LHFPL3: variants seen among roughly 807,000 people sequenced by gnomAD.
LHFPL3 encodes the protein LHFPL tetraspan subfamily member 3 protein.
LHFPL3 carries 5 observed loss-of-function variants against 19.3 expected under a neutral mutation model. That is an observed-to-expected ratio of 0.26 (90% CI 0.14 to 0.54). LHFPL3 has a LOEUF of 0.54. LHFPL3 is among the 20% of genes least tolerant of loss of function. LHFPL3 has a pLI of 0.94. For missense variants in LHFPL3, 249 were observed against 307.4 expected, an observed-to-expected ratio of 0.81 and a Z score of 1.42; for synonymous variants, 133 against 126.2, an observed-to-expected ratio of 1.05 and a Z score of -0.36.
rs78461451 is a variant in LHFPL3, at chr7:104,762,964, G to A, written c.682+26053G>A. ...GAACCAAGGAAGGATGTGACCCTTC[G>A]TGGTGGCAAAAGTCTGAATTAAAGA... On this transcript the variant is annotated intron_variant, in intron 2 of 2. Coordinates refer to ENST00000424859, the MANE Select transcript of LHFPL3 (RefSeq NM_199000.3). Among the ~76,000 whole-genome samples, 380 of 152,268 alleles carry A rather than the reference G, an allele frequency of 2.5e-3. 14 individuals are homozygous for A. In the East Asian group the frequency reaches 0.065, roughly 26 times the overall value.
At chr7:104,776,412 C>T (rs1435449175) in intron 2 of LHFPL3, among the ~76,000 whole-genome samples, 2 of 152,174 alleles carry the variant, frequency 1.3e-5, no homozygotes, top group African/African-American at 4.8e-5. Context: ...CTATCTGAAA[C>T]ACCCCAAAAT....
chr7:104,694,172 C>T (rs978380872), intron 1 of LHFPL3, among the ~76,000 whole-genome samples: 5 of 152,158 alleles, frequency 3.3e-5, no homozygotes, highest in African/African-American at 1.2e-4. Flanking sequence ...TAGAATTTAC[C>T]TGGGTTATCT....
intron 1 of LHFPL3, among the ~76,000 whole-genome samples, chr7:104,429,286 C>G (rs2116551731): frequency 6.8e-6 from 1 of 146,844 alleles, no homozygotes; most frequent in Non-Finnish European, 1.5e-5. Flanking sequence ...ATTTCGGAAT[C>G]TACCTATGTC....
intron 1 of LHFPL3, among the ~76,000 whole-genome samples, chr7:104,359,339 A>T (rs2116405666): frequency 6.6e-6 from 1 of 152,354 alleles, no homozygotes; most frequent in South Asian, 2.1e-4. Flanking sequence ...GGCTTCACTT[A>T]TGTCACTTTA....
At chr7:104,552,930 A>T (rs1358955386) in intron 1 of LHFPL3, among the ~76,000 whole-genome samples, 1 of 152,152 alleles carries the variant, frequency 6.6e-6, no homozygotes, top group Non-Finnish European at 1.5e-5. Flanking sequence ...CATGTTACTT[A>T]ATTTCTTCAT....
chr7:104,459,981 T>C (rs61595262), intron 1 of LHFPL3, among the ~76,000 whole-genome samples: 3,922 of 152,220 alleles, frequency 0.026, 154 homozygotes, highest in African/African-American at 0.089. Context: ...TACCCAATGG[T>C]TATTTTTTCT....
intron 1 of LHFPL3, among the ~76,000 whole-genome samples, chr7:104,489,078 C>CT (rs10706776): frequency 0.011 from 467 of 41,648 alleles, 65 homozygotes; most frequent in African/African-American, 0.022. Flanking sequence ...GTGCTGAAAT[C>CT]TTTTTTTTTT....
chr7:104,818,806 C>T (rs971019483), intron 2 of LHFPL3, among the ~76,000 whole-genome samples: 2 of 151,934 alleles, frequency 1.3e-5, no homozygotes, highest in African/African-American at 4.8e-5. Context: ...CTCTCTCACT[C>T]ACTCAAATGC....
chr7:104,508,068 A>T (rs1449066656), intron 1 of LHFPL3, among the ~76,000 whole-genome samples: 3 of 149,854 alleles, frequency 2.0e-5, no homozygotes, highest in Non-Finnish European at 4.5e-5. Flanking sequence ...TCAGGGATCT[A>T]GAACTGGAAA....
intron 2 of LHFPL3, among the ~76,000 whole-genome samples, chr7:104,761,128 CT>C (rs1312962104): frequency 2.6e-5 from 4 of 152,208 alleles, no homozygotes; most frequent in Non-Finnish European, 5.9e-5. Flanking sequence ...GAGAGGCAGG[CT>C]GCGTTTTTCC....
At chr7:104,799,202 C>T (rs550006247) in intron 2 of LHFPL3, among the ~76,000 whole-genome samples, 17 of 152,298 alleles carry the variant, frequency 1.1e-4, no homozygotes, top group Non-Finnish European at 1.8e-4. Context: ...TACTTGAGAG[C>T]TATTTCTACT....
At chr7:104,396,857 C>G (rs543629194) in intron 1 of LHFPL3, among the ~76,000 whole-genome samples, 5 of 151,914 alleles carry the variant, frequency 3.3e-5, no homozygotes, top group South Asian at 2.1e-4. Context: ...GTGGTCCTAG[C>G]TACTCAGGAG....
At chr7:104,660,477 G>A (rs1792206042) in intron 1 of LHFPL3, among the ~76,000 whole-genome samples, 1 of 152,212 alleles carries the variant, frequency 6.6e-6, no homozygotes, top group Non-Finnish European at 1.5e-5. Flanking sequence ...GTCATGCCAT[G>A]CTGCCTGTTT....
At chr7:104,527,413 G>C (rs1341622472) in intron 1 of LHFPL3, among the ~76,000 whole-genome samples, 1 of 152,218 alleles carries the variant, frequency 6.6e-6, no homozygotes, top group African/African-American at 2.4e-5. Context: ...TCTTACGTGG[G>C]AGCAGTGGAG....
At chr7:104,899,740 T>A (rs10257360) in intron 2 of LHFPL3, among the ~76,000 whole-genome samples, 10,733 of 152,168 alleles carry the variant, frequency 0.071, 920 homozygotes, top group East Asian at 0.44. Context: ...AATTTATTAA[T>A]TCTTTTTTTT....
chr7:104,903,087 C>G (rs1201796046), intron 2 of LHFPL3, among the ~76,000 whole-genome samples: 1 of 152,164 alleles, frequency 6.6e-6, no homozygotes, highest in Non-Finnish European at 1.5e-5. Flanking sequence ...GTGTCACTAC[C>G]CTGGGGTCTG....
intron 2 of LHFPL3, among the ~76,000 whole-genome samples, chr7:104,856,503 C>G (rs1348138975): frequency 1.3e-5 from 2 of 152,152 alleles, no homozygotes; most frequent in Admixed American, 1.3e-4. Context: ...CTGCCTCAGC[C>G]TCCCAAAGTG....
At chr7:104,778,343 C>G (rs1312364145) in intron 2 of LHFPL3, among the ~76,000 whole-genome samples, 1 of 152,152 alleles carries the variant, frequency 6.6e-6, no homozygotes, top group Non-Finnish European at 1.5e-5. Context: ...CTCACTCATC[C>G]AGAATCAGTT....
chr7:104,786,561 T>C (rs900306524), intron 2 of LHFPL3: 3 of 152,254 alleles, frequency 2.0e-5, no homozygotes, highest in African/African-American at 7.2e-5. Context: ...TTTACATCTC[T>C]AGTGCCACCG....
Sources: allele counts gnomAD v4.1 joint callset (sites outside exome capture counted in the v4.1 genomes callset), GRCh38; gene constraint gnomAD v4.1.1; transcripts MANE v1.5; gene names NCBI Gene and HGNC (gene_info 2026-07-23, HGNC 2026-07-21).